The following PRKAR1A variants were observed in gnomAD, a reference collection of about 807,000 sequenced individuals.
PRKAR1A encodes cAMP-dependent protein kinase type I-alpha regulatory subunit.
In PRKAR1A, 3 loss-of-function variants were observed where a neutral mutation model predicts 52.0. The observed-to-expected ratio is 0.06, with a 90% CI of 0.03 to 0.15. The LOEUF (loss-of-function observed/expected upper bound fraction) is 0.15. PRKAR1A is among the 10% of genes least tolerant of loss of function. The pLI is 1.00. For missense variants in PRKAR1A, 240 were observed against 477.4 expected (o/e 0.50, Z 4.63); for synonymous variants, 188 against 168.4 (o/e 1.12, Z -0.90).
the PRKAR1A span, among the ~76,000 whole-genome samples, chr17:68,455,539 T>C: frequency 1.3e-5 from 2 of 152,214 alleles, no homozygotes; most frequent in Admixed American, 1.3e-4. Flanking sequence ...ATGTATTCAG[T>C]AAGGGGCTTG....
At chr17:68,439,447 A>G in the PRKAR1A span, among the ~76,000 whole-genome samples, 1 of 152,158 alleles carries the variant, frequency 6.6e-6, no homozygotes, top group Non-Finnish European at 1.5e-5. Context: ...TCTAATAGAG[A>G]CAGAAAGTAG....
chr17:68,437,005 A>T, the PRKAR1A span, among the ~76,000 whole-genome samples: 3,089 of 107,132 alleles, frequency 0.029, 55 homozygotes, highest in East Asian at 0.048. Flanking sequence ...AAAAAAAAAA[A>T]ATATATATAT....
At chr17:68,478,711 T>C in the PRKAR1A span, among the ~76,000 whole-genome samples, 2 of 148,544 alleles carry the variant, frequency 1.3e-5, no homozygotes, top group Non-Finnish European at 3.0e-5. Flanking sequence ...ATGGTTTTAG[T>C]ATGTATATGT....
the PRKAR1A span, among the ~76,000 whole-genome samples, chr17:68,477,301 TCTG>T: frequency 5.9e-5 from 9 of 152,208 alleles, no homozygotes; most frequent in African/African-American, 2.2e-4. Flanking sequence ...CTGCTGTATC[TCTG>T]CTTTTACATT....
chr17:68,450,916 G>A, the PRKAR1A span: 9 of 1,606,664 alleles, frequency 5.6e-6, no homozygotes, highest in African/African-American at 1.3e-5. Context: ...AAAAGCAGCC[G>A]GGAGGTTACA....
chr17:68,521,309 A>G (rs2085600033), intron 2 of PRKAR1A, among the ~76,000 whole-genome samples: 1 of 152,140 alleles, frequency 6.6e-6, no homozygotes, highest in Non-Finnish European at 1.5e-5. Flanking sequence ...GGCTCACTGC[A>G]GTCTCTACCT....
chr17:68,426,072 C>T, the PRKAR1A span: 4 of 1,612,686 alleles, frequency 2.5e-6, no homozygotes, highest in South Asian at 2.2e-5. Flanking sequence ...TCCTAATGCT[C>T]ACAGGAGGAA....
At chr17:68,452,048 C>T in the PRKAR1A span, among the ~76,000 whole-genome samples, 1,726 of 152,174 alleles carry the variant, frequency 0.011, 31 homozygotes, top group African/African-American at 0.039. Context: ...TTCCAGGAAA[C>T]TGAAAGGTTG....
In PRKAR1A at chr17:68,542,796, G is replaced by A. The variant is rs387907215; in HGVS notation, c.974-8288G>A. 29 of 1,613,614 alleles carry A rather than the reference G, an allele frequency of 1.8e-5. No homozygotes were observed. Among genetic ancestry groups the A allele is most frequent in the East Asian group, 2.2e-5 (1 of 44,894 alleles). ...CTCCCCACTGTTGGCGGCACCCGTC[G>A]GAAGTCCAGAATCCTGCAAGAGAGG... On this transcript the variant is annotated intron_variant, in intron 11 of 11. Coordinates refer to the PRKAR1A transcript ENST00000585981.
At chr17:68,415,120 T>C in the PRKAR1A span, among the ~76,000 whole-genome samples, 1 of 152,206 alleles carries the variant, frequency 6.6e-6, no homozygotes, top group African/African-American at 2.4e-5. Flanking sequence ...CCTTAGAATG[T>C]CAGTTTGTGC....
the PRKAR1A span, chr17:68,420,608 T>C: frequency 3.1e-6 from 3 of 965,638 alleles, no homozygotes; most frequent in South Asian, 4.8e-5. Flanking sequence ...ATCCCTTCTG[T>C]ATCCTGTCCC....
At chr17:68,529,603 AAT>A (rs2085903010) in intron 9 of PRKAR1A, among the ~76,000 whole-genome samples, 1 of 152,234 alleles carries the variant, frequency 6.6e-6, no homozygotes, top group Non-Finnish European at 1.5e-5. Context: ...AGCCACAAAT[AAT>A]ATGTAAATGA....
At chr17:68,425,564 G>C in the PRKAR1A span, among the ~76,000 whole-genome samples, 1 of 152,084 alleles carries the variant, frequency 6.6e-6, no homozygotes, top group Admixed American at 6.5e-5. Context: ...GGAGGTGCGG[G>C]TCTGCCGGCC....
rs1367857022 is a variant in PRKAR1A at position 68,512,558 on chromosome 17, G to A, written c.-7+10G>A. The A allele has an allele frequency of 6.5e-6, 1 of 153,560 alleles. No homozygotes were observed. Among genetic ancestry groups the A allele is most frequent in the Non-Finnish European group, 1.4e-5 (1 of 68,998 alleles). The allele number at this position is 153,560 out of a possible 1,614,324, so 9.5% of individuals were successfully genotyped here. A position where few individuals can be genotyped will look rare whatever the true frequency, so the allele number is the denominator to read the frequency against. On this transcript the variant is annotated intron_variant, in intron 1 of 10. Transcript: ENST00000589228. ...CGCCGCCCGTCCCCAGGTGAGTGGG[G>A]TCGGCCGGGGGCTCAGGCGAGGTGA...
rs2085404026 is a variant in PRKAR1A, at chr17:68,515,497, A to G, written c.98A>G (p.Asp33Gly). 7 of 1,613,310 alleles carry G rather than the reference A, an allele frequency of 4.3e-6. No individual in the cohort carries two copies. The highest frequency in any genetic ancestry group is 5.9e-6 in the Non-Finnish European group (7 of 1,180,036). ...CATAACATTCAAGCGCTGCTCAAAG[A>G]TTCTATTGTGCAGTTGTGCACTGCT... ...QKHNIQALLKDSIVQLCTARP... is the reference protein window; with the variant it reads ...QKHNIQALLKGSIVQLCTARP... Residue 33 changes from aspartate to glycine, a missense_variant, in exon 2 of 11, where the codon GAT (aspartate) becomes GGT (glycine). Around this residue, in one of 4 missense-constraint regions of PRKAR1A, gnomAD observed 107 missense variants for 114.6 expected, o/e 0.93. Coordinates refer to ENST00000589228, the MANE Select transcript of PRKAR1A (RefSeq NM_002734.5).
At chr17:68,500,930 T>C in the PRKAR1A span, among the ~76,000 whole-genome samples, 1 of 152,236 alleles carries the variant, frequency 6.6e-6, no homozygotes, top group Admixed American at 6.5e-5. Context: ...GAAAAGCAGT[T>C]AATGGAAACA....
In PRKAR1A at chr17:68,526,920, C is replaced by A. The variant is rs948417224; in HGVS notation, c.709-920C>A. 8.5e-5 allele frequency among the ~76,000 whole-genome samples: 13 copies of A among 152,274 alleles called. 1 individual carries two copies. The East Asian group carries it at 1.7e-3, about 20-fold the overall frequency. ...CATGTACCCCTGAACCTTAAACCCA[C>A]ACACACAAAAAAACGCTTATGGCAA... On this transcript the variant is annotated intron_variant, in intron 7 of 10. Coordinates refer to ENST00000589228, the MANE Select transcript of PRKAR1A (RefSeq NM_002734.5).
the PRKAR1A span, among the ~76,000 whole-genome samples, chr17:68,452,386 G>A: frequency 6.6e-6 from 1 of 152,206 alleles, no homozygotes; most frequent in Non-Finnish European, 1.5e-5. Flanking sequence ...CCAACGTGGT[G>A]AAACCCCGTC....
At chr17:68,537,671 G>C (rs139620139), downstream of PRKAR1A, 3 of 1,613,644 alleles carry the variant, frequency 1.9e-6, no homozygotes, top group Non-Finnish European at 2.5e-6. The surrounding 1 kb of genome is among the most constrained non-coding windows in gnomAD (Gnocchi z 4.2). Context: ...AGTGATTCTC[G>C]CATCACATCG....
Sources: gnomAD v4.1 joint callset for allele counts (sites outside exome capture counted in the v4.1 genomes callset) on GRCh38, gnomAD v4.1.1 for gene constraint, gnomAD v4.1.1 regional missense constraint, Gnocchi (gnomAD v3.1) non-coding constraint, MANE v1.5 for transcripts, NCBI Gene and HGNC (gene_info 2026-07-23, HGNC 2026-07-21) for gene names.